BEST1: variants seen among roughly 807,000 people sequenced by gnomAD.
BEST1 encodes the protein bestrophin-1.
Under a neutral mutation model 63.3 loss-of-function variants are expected in BEST1, and 58 were observed. The observed-to-expected ratio is 0.92, with a 90% CI of 0.74 to 1.14. BEST1 has a LOEUF of 1.14. BEST1 is among the 50% of genes most tolerant of loss of function. The pLI is 0.00. For synonymous variants in BEST1, 283 were observed against 291.6 expected, an observed-to-expected ratio of 0.97 and a Z score of 0.30; for missense variants, 671 against 740.1, an observed-to-expected ratio of 0.91 and a Z score of 1.08.
intron 2 of BEST1, among the ~76,000 whole-genome samples, chr11:61,954,214 C>T (rs554300159): frequency 1.7e-4 from 26 of 152,048 alleles, no homozygotes; most frequent in South Asian, 2.1e-4. Flanking sequence ...CTTTGCTCCT[C>T]CCCCTGCCCC....
chr11:61,954,123 G>A (rs1265383047), intron 2 of BEST1, among the ~76,000 whole-genome samples: 1 of 152,176 alleles, frequency 6.6e-6, no homozygotes, highest in Non-Finnish European at 1.5e-5. Flanking sequence ...AATGCATGCT[G>A]AAAAAGAGTC....
chr11:61,955,659 C>A (rs1370482929), intron 3 of BEST1, 59 bp from the exon 4 acceptor site: 1 of 1,504,998 alleles, frequency 6.6e-7, no homozygotes, highest in Non-Finnish European at 9.0e-7. Context: ...GGGCGCTGGG[C>A]CCTGGGCTCT....
chr11:61,962,062 A>G (rs1942120310), intron 9 of BEST1, 193 bp from the exon 10 acceptor site: 5 of 621,522 alleles, frequency 8.0e-6, no homozygotes, highest in Non-Finnish European at 1.1e-5. Context: ...CAGTGAGGTG[A>G]GCTGGGCCTG....
At chr11:61,965,141 A>G (rs1449792762), downstream of BEST1, 3 of 1,602,548 alleles carry the variant, frequency 1.9e-6, no homozygotes, top group Admixed American at 1.7e-5. Context: ...ATGCATCTCT[A>G]CCAACTAACC....
chr11:61,957,023 T>C, intron 5 of BEST1, 25 bp downstream of exon 5: 1 of 1,614,000 alleles, frequency 6.2e-7, no homozygotes, highest in Middle Eastern at 1.7e-4. Flanking sequence ...CAGACAGGGC[T>C]GCCGCAGAGT....
At chr11:61,957,241 CAA>C (rs1941471204) in intron 5 of BEST1, 144 bp from the exon 6 acceptor site, 1 of 932,504 alleles carries the variant, frequency 1.1e-6, no homozygotes. Flanking sequence ...AGCTGAGACA[CAA>C]AGAGGTTTAG....
chr11:61,959,764 C>A, intron 8 of BEST1, 128 bp from the exon 9 acceptor site: 2 of 1,414,520 alleles, frequency 1.4e-6, no homozygotes, highest in Non-Finnish European at 2.0e-6. Context: ...AGGCACCCAT[C>A]TCCCCATTTC....
At chr11:61,964,958 C>T (rs368537543), downstream of BEST1, 15 of 1,613,930 alleles carry the variant, frequency 9.3e-6, no homozygotes, top group African/African-American at 2.7e-5. Context: ...TGATTTCCTC[C>T]ATTTATTTCC....
At chr11:61,961,976 T>C in intron 9 of BEST1, 1 of 489,246 alleles carries the variant, frequency 2.0e-6, no homozygotes, top group Non-Finnish European at 3.7e-6. Context: ...AAGTGAATGA[T>C]GAGGAGGCCT....
At chr11:61,964,076 A>T (rs1358959721) in intron 10 of BEST1, 28 bp from the exon 11 acceptor site, 1 of 1,613,336 alleles carries the variant, frequency 6.2e-7, no homozygotes, top group Admixed American at 1.7e-5. Flanking sequence ...TTCCATACTT[A>T]TGCTGTTAAT....
At chr11:61,962,005 G>A in intron 9 of BEST1, 1 of 558,932 alleles carries the variant, frequency 1.8e-6, no homozygotes, top group Non-Finnish European at 3.2e-6. Flanking sequence ...CAGGCGGGGT[G>A]GTTGCGGGGG....
intron 2 of BEST1, among the ~76,000 whole-genome samples, chr11:61,952,450 C>A (rs1271987077): frequency 1.4e-5 from 2 of 145,502 alleles, no homozygotes; most frequent in African/African-American, 2.6e-5. Context: ...CTTGACCAAC[C>A]ACATGGTACT....
Position 61,962,905 on chromosome 11 carries a change from A to ACCTGAACCAGGGGCACTGCATTGC in BEST1, c.1739+17_1739+40dup, listed in dbSNP as rs756663913. 69 of 1,614,014 alleles carry ACCTGAACCAGGGGCACTGCATTGC rather than the reference A, an allele frequency of 4.3e-5. No homozygotes were observed. Among genetic ancestry groups the ACCTGAACCAGGGGCACTGCATTGC allele is most frequent in the Non-Finnish European group, 5.7e-5 (67 of 1,180,018 alleles). On this transcript the variant is annotated intron_variant, in intron 10 of 10. Coordinates refer to ENST00000378043, the MANE Select transcript of BEST1 (RefSeq NM_004183.4). ...GCCTTGGAAAACAGGTCTGTCCTCC[A>ACCTGAACCAGGGGCACTGCATTGC]CCTGAACCAGGGGCACTGCATTGCC...
chr11:61,953,122 A>G (rs1441822724), intron 2 of BEST1, among the ~76,000 whole-genome samples: 1 of 152,230 alleles, frequency 6.6e-6, no homozygotes, highest in Non-Finnish European at 1.5e-5. Context: ...TGTTTATCTA[A>G]ACAATAAAAT....
intron 2 of BEST1, among the ~76,000 whole-genome samples, chr11:61,954,323 T>TA (rs1719588721): frequency 6.6e-6 from 1 of 152,146 alleles, no homozygotes; most frequent in South Asian, 2.1e-4. Flanking sequence ...GTTCATAGCG[T>TA]ACAGCAGGGT....
At chr11:61,965,292 T>C (rs1172650784), downstream of BEST1, 3 of 1,602,968 alleles carry the variant, frequency 1.9e-6, no homozygotes, top group East Asian at 2.2e-5. Flanking sequence ...ATAAGGGCAA[T>C]TGCTAGTTTA....
In BEST1 at chr11:61,956,946, C is replaced by A; in HGVS notation, c.584C>A (p.Ala195Glu). Residue 195 changes from alanine to glutamate, a missense_variant, in exon 5 of 11, where the codon GCG becomes GAG. Physicochemically the swap from Ala to Glu is moderately radical, Grantham distance 107 (BLOSUM62 -1). Transcript: ENST00000378043. Reference protein sequence around the residue: ...WVWFANLSMKAWLGGRIRDPI... With the variant: ...WVWFANLSMKEWLGGRIRDPI... The stretch of plus-strand genomic sequence containing the variant: ...TGGTTTGCCAACCTGTCAATGAAGG[C>A]GTGGCTTGGAGGTCGAATCCGGGAC... 6.2e-7 allele frequency: 1 copy of A among 1,614,092 alleles called. No individual in the cohort carries two copies. The highest frequency in any genetic ancestry group is 8.5e-7 in the Non-Finnish European group (1 of 1,180,012).
At chr11:61,957,275 G>A in intron 5 of BEST1, 112 bp from the exon 6 acceptor site, 1 of 1,094,342 alleles carries the variant, frequency 9.1e-7, no homozygotes, top group Admixed American at 1.7e-5. Context: ...TGGCCACACA[G>A]CCAGGAATGG....
At chr11:61,963,385 A>G (rs1942281166) in intron 10 of BEST1, 2 of 1,248,448 alleles carry the variant, frequency 1.6e-6, no homozygotes, top group Admixed American at 3.8e-5. Context: ...GAACTGGTAG[A>G]TGGTGAGGTT....
Sources: allele counts gnomAD v4.1 joint callset (sites outside exome capture counted in the v4.1 genomes callset), GRCh38; gene constraint gnomAD v4.1.1; transcripts MANE v1.5; gene names NCBI Gene and HGNC (gene_info 2026-07-23, HGNC 2026-07-21).